The following SPAG16 variants were observed in gnomAD, a reference collection of about 807,000 sequenced individuals.
The protein encoded by SPAG16 is sperm associated antigen 16, also known as sperm-associated antigen 16 protein.
SPAG16 carries 86 observed loss-of-function variants against 80.4 expected under a neutral mutation model. The observed-to-expected ratio is 1.07, with a 90% confidence interval of 0.90 to 1.28. SPAG16 has a LOEUF of 1.28. Among genes scored for constraint, SPAG16 ranks in the 50% most tolerant of loss-of-function variants. The pLI, the probability that SPAG16 is intolerant of heterozygous loss-of-function variation, is 0.00. For missense variants in SPAG16, 870 were observed against 765.3 expected (o/e 1.14, Z -1.61); for synonymous variants, 294 against 265.9 (o/e 1.11, Z -1.03).
chr2:213,707,411 G>A (rs1374376784), intron 10 of SPAG16, among the ~76,000 whole-genome samples: 2 of 152,122 alleles, frequency 1.3e-5, no homozygotes, highest in African/African-American at 2.4e-5. Context: ...TTCATGTCAA[G>A]TTATTAGAAA....
At chr2:214,250,486 A>C (rs1356950593) in intron 15 of SPAG16, among the ~76,000 whole-genome samples, 2 of 151,034 alleles carry the variant, frequency 1.3e-5, no homozygotes, top group Non-Finnish European at 3.0e-5. Context: ...AATCATATTG[A>C]ATAAATTCAA....
chr2:214,131,375 T>TAA lies in SPAG16; in HGVS notation c.1594-17750_1594-17749dup, dbSNP rs5838411. On this transcript the variant is annotated intron_variant, in intron 14 of 15. Transcript: ENST00000331683. ...ACAGAGCAAGACCCTAACTCAAAAT[T>TAA]AAAAAAAAAAAAAAAATCAAACTCT... Among the ~76,000 whole-genome samples, 20 of 136,080 alleles carry TAA rather than the reference T, an allele frequency of 1.5e-4. No individual in the cohort carries two copies. The East Asian group carries it at 4.1e-3, about 28-fold the overall frequency. 89.3% of individuals were successfully genotyped at this position (136,080 alleles called of 152,430 possible). A position where few individuals can be genotyped will look rare whatever the true frequency, so the allele number is the denominator to read the frequency against.
intron 5 of SPAG16, among the ~76,000 whole-genome samples, chr2:213,325,103 G>A (rs1166412929): frequency 6.6e-6 from 1 of 151,978 alleles, no homozygotes; most frequent in Non-Finnish European, 1.5e-5. Context: ...TAATTGAATT[G>A]TAAGAGTTGT....
intron 5 of SPAG16, among the ~76,000 whole-genome samples, chr2:213,339,930 G>A (rs934409643): frequency 6.6e-6 from 1 of 152,130 alleles, no homozygotes; most frequent in Non-Finnish European, 1.5e-5. Context: ...TAGATGAAAT[G>A]TAGATGAATC....
intron 15 of SPAG16, among the ~76,000 whole-genome samples, chr2:214,172,427 A>G (rs1221956703): frequency 6.6e-6 from 1 of 152,132 alleles, no homozygotes; most frequent in Non-Finnish European, 1.5e-5. Context: ...ACATGAACTC[A>G]TCACGTTTTA....
At chr2:213,768,145 G>T (rs367928932) in intron 10 of SPAG16, among the ~76,000 whole-genome samples, 1 of 152,088 alleles carries the variant, frequency 6.6e-6, no homozygotes, top group South Asian at 2.1e-4. Flanking sequence ...CACACCTACA[G>T]GTAAAGGTGT....
chr2:214,208,427 T>TA (rs1460537463), intron 15 of SPAG16, among the ~76,000 whole-genome samples: 1 of 152,178 alleles, frequency 6.6e-6, no homozygotes, highest in Non-Finnish European at 1.5e-5. Flanking sequence ...AGAATACTGA[T>TA]AGTCCTTGGC....
intron 10 of SPAG16, among the ~76,000 whole-genome samples, chr2:213,544,540 T>C (rs1315531595): frequency 2.6e-5 from 4 of 152,046 alleles, no homozygotes; most frequent in Non-Finnish European, 5.9e-5. Flanking sequence ...CCAAAAGTCG[T>C]AGTTTACATT....
At chr2:214,127,457 G>A (rs1281239270) in intron 14 of SPAG16, among the ~76,000 whole-genome samples, 1 of 151,728 alleles carries the variant, frequency 6.6e-6, no homozygotes, top group African/African-American at 2.4e-5. Flanking sequence ...AGCAGAGTGG[G>A]AGTGAGCTGA....
chr2:214,196,321 A>T (rs992949639), intron 15 of SPAG16, among the ~76,000 whole-genome samples: 1 of 152,026 alleles, frequency 6.6e-6, no homozygotes, highest in African/African-American at 2.4e-5. Flanking sequence ...GCATGAAAGA[A>T]TTTCTTGTCT....
chr2:214,101,263 TTG>T (rs1433476464), intron 13 of SPAG16, among the ~76,000 whole-genome samples: 1 of 152,092 alleles, frequency 6.6e-6, no homozygotes, highest in Non-Finnish European at 1.5e-5. Context: ...CTAGGCTAGC[TTG>T]TGTTATGGTA....
chr2:213,839,089 ATCC>A lies in SPAG16; in HGVS notation c.1071-23393_1071-23391del, dbSNP rs560366178. 2.9e-3 allele frequency among the ~76,000 whole-genome samples: 436 copies of A among 152,338 alleles called. 5 individuals carry two copies. Among genetic ancestry groups the A allele is most frequent in the Non-Finnish European group, 5.4e-3 (370 of 68,034 alleles). ...AGATTGTAGATGATTGGAAAAGCCAATCCTCAGAGACTGTGAACTACACATTTA... is the reference window on the plus strand; with the variant it reads ...AGATTGTAGATGATTGGAAAAGCCAATCAGAGACTGTGAACTACACATTTA... On this transcript the variant is annotated intron_variant, in intron 10 of 15. Transcript: ENST00000331683.
rs116448147 is a variant in SPAG16 at position 213,640,624 on chromosome 2, T to C, written c.1070+150534T>C. Among the ~76,000 whole-genome samples, 1,499 of 152,332 alleles carry C rather than the reference T, an allele frequency of 9.8e-3. 17 individuals are homozygous for C. Among genetic ancestry groups the C allele is most frequent in the Non-Finnish European group, 0.015 (1,040 of 68,020 alleles). The stretch of plus-strand genomic sequence containing the variant: ...TGTCTTCAGATCTCCCAGCTGTAAG[T>C]ACCAGAACCTGCTCTCATGGAGGTA... On this transcript the variant is annotated intron_variant, in intron 10 of 15. Transcript: ENST00000331683.
intron 10 of SPAG16, among the ~76,000 whole-genome samples, chr2:213,844,111 G>T (rs903397254): frequency 1.3e-5 from 2 of 152,164 alleles, no homozygotes; most frequent in Admixed American, 1.3e-4. Context: ...TCTTCAGATT[G>T]TCAGAGGACA....
chr2:213,376,575 T>C (rs950744438), intron 9 of SPAG16, among the ~76,000 whole-genome samples: 4 of 152,082 alleles, frequency 2.6e-5, no homozygotes, highest in African/African-American at 9.7e-5. Flanking sequence ...GTTATTATTA[T>C]AACAAATGAC....
chr2:214,099,321 G>A (rs981844614), intron 13 of SPAG16, among the ~76,000 whole-genome samples: 32 of 152,118 alleles, frequency 2.1e-4, no homozygotes, highest in Middle Eastern at 3.4e-3. Flanking sequence ...TACTTGTGTA[G>A]GCATTATGTT....
intron 15 of SPAG16, among the ~76,000 whole-genome samples, chr2:214,405,754 G>A (rs574734694): frequency 2.9e-3 from 447 of 152,186 alleles, no homozygotes; most frequent in Non-Finnish European, 5.1e-3. Flanking sequence ...CCGAGATTGC[G>A]CCACTGCACT....
intron 11 of SPAG16, among the ~76,000 whole-genome samples, chr2:213,887,706 A>T (rs2076615792): frequency 1.3e-5 from 2 of 151,390 alleles, no homozygotes; most frequent in African/African-American, 4.8e-5. Context: ...AAAAATTTTT[A>T]AAATTATATA....
At chr2:213,534,214 T>C (rs2076166156) in intron 10 of SPAG16, among the ~76,000 whole-genome samples, 1 of 152,154 alleles carries the variant, frequency 6.6e-6, no homozygotes, top group African/African-American at 2.4e-5. Context: ...GGCTATCTTA[T>C]ATGTTGCAAA....
Sources: gnomAD v4.1 joint callset for allele counts (sites outside exome capture counted in the v4.1 genomes callset) on GRCh38, gnomAD v4.1.1 for gene constraint, MANE v1.5 for transcripts, NCBI Gene and HGNC (gene_info 2026-07-23, HGNC 2026-07-21) for gene names.